Variants in RALYL observed in about 807,000 individuals in gnomAD.
RALYL encodes the protein RNA-binding Raly-like protein.
A neutral mutation model predicts 35.1 loss-of-function variants in RALYL; 29 were observed. That is an observed-to-expected ratio of 0.83 (90% CI 0.61 to 1.13). The LOEUF (loss-of-function observed/expected upper bound fraction) is 1.13. Ranked by LOEUF, RALYL falls within the 50% of genes most tolerant of loss-of-function variation. The pLI is 0.00. For synonymous variants in RALYL, 120 were observed against 127.6 expected, an observed-to-expected ratio of 0.94 and a Z score of 0.40; for missense variants, 359 against 360.4, an observed-to-expected ratio of 1.00 and a Z score of 0.03.
chr8:84,425,606 A>C (rs2046316935), intron 1 of RALYL, among the ~76,000 whole-genome samples: 1 of 152,128 alleles, frequency 6.6e-6, no homozygotes, highest in Admixed American at 6.5e-5. Context: ...TTATACAGCC[A>C]CTTGTCCAAT....
chr8:84,779,509 TG>T (rs1817607965), intron 3 of RALYL, among the ~76,000 whole-genome samples: 2 of 152,220 alleles, frequency 1.3e-5, no homozygotes, highest in Non-Finnish European at 2.9e-5. Context: ...CTGGTACTAT[TG>T]CCAAATATTG....
At chr8:84,726,662 T>C (rs1301459483) in intron 2 of RALYL, among the ~76,000 whole-genome samples, 2 of 151,974 alleles carry the variant, frequency 1.3e-5, no homozygotes, top group Non-Finnish European at 2.9e-5. Context: ...CTATTACTCT[T>C]ACATGGAGGC....
At chr8:84,909,110 G>A (rs529898131) in intron 8 of RALYL, among the ~76,000 whole-genome samples, 1 of 152,222 alleles carries the variant, frequency 6.6e-6, no homozygotes, top group Non-Finnish European at 1.5e-5. Flanking sequence ...CTCTGTCTGT[G>A]ACATGTCTAA....
intron 2 of RALYL, among the ~76,000 whole-genome samples, chr8:84,744,599 A>G (rs1808169903): frequency 6.6e-6 from 1 of 151,994 alleles, no homozygotes; most frequent in African/African-American, 2.4e-5. Context: ...AATGTGTATT[A>G]CTCAAGTATT....
At chr8:84,357,891 A>T (rs1193331976) in intron 1 of RALYL, among the ~76,000 whole-genome samples, 1 of 150,620 alleles carries the variant, frequency 6.6e-6, no homozygotes, top group Non-Finnish European at 1.5e-5. Flanking sequence ...AAATAAATTT[A>T]GTTGGTAAAG....
chr8:84,910,959 A>G (rs1847411420), intron 8 of RALYL, among the ~76,000 whole-genome samples: 1 of 152,010 alleles, frequency 6.6e-6, no homozygotes, highest in South Asian at 2.1e-4. Flanking sequence ...GGCATGTTTG[A>G]TCTCCATTAT....
chr8:84,732,849 C>A (rs1425935457), intron 2 of RALYL, among the ~76,000 whole-genome samples: 1 of 151,528 alleles, frequency 6.6e-6, no homozygotes, highest in African/African-American at 2.4e-5. Flanking sequence ...GGGCTCACCA[C>A]CACGCCTGGC....
chr8:84,830,641 T>G (rs1253297498), intron 4 of RALYL, among the ~76,000 whole-genome samples: 2 of 152,074 alleles, frequency 1.3e-5, no homozygotes, highest in Non-Finnish European at 2.9e-5. Context: ...TATGGTTATA[T>G]CAATATAAAC....
chr8:84,791,296 G>A (rs1208340852), intron 3 of RALYL, among the ~76,000 whole-genome samples: 1 of 152,082 alleles, frequency 6.6e-6, no homozygotes, highest in South Asian at 2.1e-4. Flanking sequence ...GCTAGCAAAG[G>A]CCCTAAAGCA....
intron 1 of RALYL, among the ~76,000 whole-genome samples, chr8:84,526,011 G>A (rs1430537754): frequency 6.9e-6 from 1 of 143,992 alleles, no homozygotes; most frequent in Non-Finnish European, 1.5e-5. Context: ...GAATGCAGTG[G>A]GGCACTTTCT....
Position 84,850,009 on chromosome 8 carries a change from G to C in RALYL, c.395G>C (p.Arg132Thr). Residue 132 changes from arginine (R) to threonine (T), a missense_variant, in exon 5 of 9, where the codon AGA becomes ACA. Coordinates refer to ENST00000521268, the MANE Select transcript of RALYL (RefSeq NM_173848.7). ...TATGTCTTTGACTATGATTACTACAGAGATGATTTCTACAATCGGTATGTG... is the reference window on the plus strand; with the variant it reads ...TATGTCTTTGACTATGATTACTACACAGATGATTTCTACAATCGGTATGTG... ...GGYVFDYDYY[R>T]DDFYNRLFDY... 1 of 1,485,424 alleles carries C rather than the reference G, an allele frequency of 6.7e-7. No individual in the cohort carries two copies. The highest frequency in any genetic ancestry group is 9.0e-7 in the Non-Finnish European group (1 of 1,113,572). The allele number at this position is 1,485,424 out of a possible 1,614,324, so 92.0% of individuals were successfully genotyped here.
intron 2 of RALYL, chr8:84,705,810 T>C: frequency 1.0e-6 from 1 of 975,636 alleles, no homozygotes. Flanking sequence ...GAAATACAAT[T>C]TTCCCTAGAA....
At chr8:84,267,316 C>T (rs1833520578) in intron 1 of RALYL, among the ~76,000 whole-genome samples, 1 of 152,150 alleles carries the variant, frequency 6.6e-6, no homozygotes, top group Non-Finnish European at 1.5e-5. Flanking sequence ...TTGTAAACTC[C>T]AGAAGCCTCT....
intron 1 of RALYL, among the ~76,000 whole-genome samples, chr8:84,333,851 G>A (rs915417747): frequency 2.0e-5 from 3 of 152,086 alleles, no homozygotes; most frequent in Non-Finnish European, 4.4e-5. Context: ...TTGAACAGCA[G>A]GGGTGGGGGC....
At chr8:84,744,867 A>T (rs1227604629) in intron 2 of RALYL, among the ~76,000 whole-genome samples, 1 of 152,144 alleles carries the variant, frequency 6.6e-6, no homozygotes, top group Non-Finnish European at 1.5e-5. Flanking sequence ...AAGTACAGGG[A>T]GTTTTGCTAT....
At chr8:84,301,248 G>A (rs73296708) in intron 1 of RALYL, among the ~76,000 whole-genome samples, 1 of 151,886 alleles carries the variant, frequency 6.6e-6, no homozygotes, top group South Asian at 2.1e-4. Context: ...ATGAAAGGTC[G>A]ACTGTTGGCC....
At chr8:84,788,260 G>A (rs1405447326) in intron 3 of RALYL, among the ~76,000 whole-genome samples, 1 of 152,070 alleles carries the variant, frequency 6.6e-6, no homozygotes, top group Admixed American at 6.6e-5. Flanking sequence ...ATAGGCCAAT[G>A]GAACAGAACA....
In RALYL at chr8:84,745,176, A is replaced by T. The variant is rs568959435; in HGVS notation, c.257-29403A>T. On this transcript the variant is annotated intron_variant, in intron 2 of 8. Coordinates refer to ENST00000521268, the MANE Select transcript of RALYL (RefSeq NM_173848.7). Reference sequence around the variant, plus strand: ...TTAACAATGTTCTGTATGATTTCAGATCACCCTCCCTCTACTCCTTCACAT... The same window carrying T: ...TTAACAATGTTCTGTATGATTTCAGTTCACCCTCCCTCTACTCCTTCACAT... 8.2e-4 allele frequency among the ~76,000 whole-genome samples: 125 copies of T among 151,816 alleles called. 1 individual carries two copies. Among genetic ancestry groups the T allele is most frequent in the Non-Finnish European group, 1.5e-3 (104 of 67,838 alleles).
chr8:84,839,103 G>A (rs1832640673), intron 4 of RALYL, among the ~76,000 whole-genome samples: 3 of 152,242 alleles, frequency 2.0e-5, no homozygotes, highest in African/African-American at 7.2e-5. Flanking sequence ...TCTCACTGGA[G>A]AGTGTCAGAA....
Sources: allele counts gnomAD v4.1 joint callset (sites outside exome capture counted in the v4.1 genomes callset), GRCh38; gene constraint gnomAD v4.1.1; transcripts MANE v1.5; gene names NCBI Gene and HGNC (gene_info 2026-07-23, HGNC 2026-07-21).